The following CNTN3 variants were observed in gnomAD, a reference collection of about 807,000 sequenced individuals.
CNTN3 encodes contactin 3, also known as contactin-3.
Under a neutral mutation model 119.1 loss-of-function variants are expected in CNTN3, and 60 were observed. The ratio of observed to expected loss-of-function variants is 0.50; its 90% CI spans 0.41 to 0.62. The LOEUF (loss-of-function observed/expected upper bound fraction) is 0.62, where lower values mean the gene tolerates loss of function less well. Ranked by LOEUF, CNTN3 falls within the 20% of genes least tolerant of loss-of-function variation. The pLI, the probability that CNTN3 is intolerant of heterozygous loss-of-function variation, is 0.00. For synonymous variants in CNTN3, 450 were observed against 438.7 expected (o/e 1.03, Z -0.32); for missense variants, 1,101 against 1,242.4 (o/e 0.89, Z 1.71).
chr3:74,438,801 A>G (rs1429381181), intron 4 of CNTN3, among the ~76,000 whole-genome samples: 1 of 152,218 alleles, frequency 6.6e-6, no homozygotes, highest in East Asian at 1.9e-4. Flanking sequence ...GACACGTGTG[A>G]TTTTTGCAAT....
intron 20 of CNTN3, among the ~76,000 whole-genome samples, chr3:74,281,587 A>G (rs1320395753): frequency 6.6e-6 from 1 of 152,100 alleles, no homozygotes. Flanking sequence ...AGCTCAAGCA[A>G]TCATCCCACC....
intron 1 of CNTN3, among the ~76,000 whole-genome samples, chr3:74,608,467 C>A (rs1705028874): frequency 6.6e-6 from 1 of 152,192 alleles, no homozygotes; most frequent in Non-Finnish European, 1.5e-5. Flanking sequence ...CTTCCCATTA[C>A]TTCCTTGCAC....
At chr3:74,612,605 G>A (rs191955262) in intron 1 of CNTN3, among the ~76,000 whole-genome samples, 25 of 152,178 alleles carry the variant, frequency 1.6e-4, no homozygotes, top group Non-Finnish European at 2.5e-4. Flanking sequence ...TCGGTGTCTC[G>A]GTTATCCTAC....
intron 5 of CNTN3, among the ~76,000 whole-genome samples, chr3:74,394,229 T>G (rs1330332979): frequency 6.6e-6 from 1 of 152,140 alleles, no homozygotes; most frequent in Non-Finnish European, 1.5e-5. Flanking sequence ...GGTAGTAAGT[T>G]AATAACTATA....
chr3:74,458,897 A>G (rs1192755154), intron 4 of CNTN3, among the ~76,000 whole-genome samples: 1 of 152,054 alleles, frequency 6.6e-6, no homozygotes, highest in East Asian at 1.9e-4. Context: ...GAGACTCAAC[A>G]GAAACATAGT....
chr3:74,549,145 G>A (rs895629411), intron 1 of CNTN3, among the ~76,000 whole-genome samples: 3 of 152,128 alleles, frequency 2.0e-5, no homozygotes, highest in Non-Finnish European at 2.9e-5. Context: ...CATGGGGGTG[G>A]TTTCCAATGG....
chr3:74,322,503 C>T (rs184596972), intron 13 of CNTN3, among the ~76,000 whole-genome samples: 6 of 152,076 alleles, frequency 3.9e-5, no homozygotes, highest in African/African-American at 1.2e-4. Flanking sequence ...AAAATTCTGG[C>T]GAGGATGTAG....
At chr3:74,504,305 A>C (rs1251950251) in intron 2 of CNTN3, among the ~76,000 whole-genome samples, 1 of 152,178 alleles carries the variant, frequency 6.6e-6, no homozygotes, top group Non-Finnish European at 1.5e-5. Context: ...AGAGGACATA[A>C]ATTTAGAAAG....
Position 74,499,653 on chromosome 3 carries a change from C to G in CNTN3, c.182+6G>C, listed in dbSNP as rs765699716. Reference sequence around the variant, plus strand: ...TTTATTTGAATTTTCAAACTTTTCACTGTACCTGTAATGAGGTGATGGATT... The same window carrying G: ...TTTATTTGAATTTTCAAACTTTTCAGTGTACCTGTAATGAGGTGATGGATT... On this transcript the variant is annotated splice_donor_region_variant and intron_variant, in intron 3 of 22. Coordinates refer to ENST00000263665, the MANE Select transcript of CNTN3 (RefSeq NM_020872.3). 1 of 1,590,826 alleles carries G rather than the reference C, an allele frequency of 6.3e-7. No individual in the cohort carries two copies.
chr3:74,538,489 G>T lies in CNTN3; in HGVS notation c.-80-17297C>A, dbSNP rs913272153. Among the ~76,000 whole-genome samples, 8 of 152,034 alleles carry T rather than the reference G, an allele frequency of 5.3e-5. No homozygotes were observed. In the South Asian group the frequency reaches 8.3e-4, roughly 16 times the overall value. On this transcript the variant is annotated intron_variant, in intron 1 of 22. Coordinates refer to ENST00000263665, the MANE Select transcript of CNTN3 (RefSeq NM_020872.3). ...GATCTATTATTTTACTTAGCAAAACGGGTGCTTTGAGACATATTTTCAAGG... is the reference window on the plus strand; with the variant it reads ...GATCTATTATTTTACTTAGCAAAACTGGTGCTTTGAGACATATTTTCAAGG...
At chr3:74,330,320 C>T (rs1317733233) in intron 13 of CNTN3, among the ~76,000 whole-genome samples, 7 of 151,328 alleles carry the variant, frequency 4.6e-5, no homozygotes, top group Admixed American at 3.3e-4. Flanking sequence ...CGTGCCACTG[C>T]ACTCCAGCCT....
chr3:74,580,497 C>T (rs1359409549), intron 1 of CNTN3, among the ~76,000 whole-genome samples: 1 of 151,912 alleles, frequency 6.6e-6, no homozygotes, highest in African/African-American at 2.4e-5. Flanking sequence ...CTAAAAAATA[C>T]AAAATTCCTT....
intron 1 of CNTN3, among the ~76,000 whole-genome samples, chr3:74,583,658 C>G (rs1704550100): frequency 6.6e-6 from 1 of 152,126 alleles, no homozygotes; most frequent in Non-Finnish European, 1.5e-5. Context: ...CTGTGACTAG[C>G]TGGGTATAAT....
At chr3:74,451,178 G>C (rs1011077247) in intron 4 of CNTN3, among the ~76,000 whole-genome samples, 1 of 152,066 alleles carries the variant, frequency 6.6e-6, no homozygotes, top group African/African-American at 2.4e-5. Context: ...AGCACCTGTT[G>C]TTTCCTGACT....
chr3:74,471,134 T>A (rs954400702), intron 4 of CNTN3, among the ~76,000 whole-genome samples: 2 of 151,948 alleles, frequency 1.3e-5, no homozygotes, highest in African/African-American at 4.8e-5. Context: ...CTCAGCGGGA[T>A]CCCAAAGTGC....
chr3:74,598,670 A>T (rs891697171), intron 1 of CNTN3, among the ~76,000 whole-genome samples: 2 of 152,146 alleles, frequency 1.3e-5, no homozygotes, highest in Admixed American at 6.5e-5. Context: ...CTAATTCTAT[A>T]AAAAAATCAA....
intron 1 of CNTN3, among the ~76,000 whole-genome samples, chr3:74,613,649 G>A (rs948309125): frequency 4.6e-5 from 7 of 152,198 alleles, no homozygotes; most frequent in African/African-American, 1.4e-4. Context: ...CCCAGAAGCT[G>A]TTCGTTCATT....
At chr3:74,533,825 C>G (rs1244196218) in intron 1 of CNTN3, among the ~76,000 whole-genome samples, 7 of 151,998 alleles carry the variant, frequency 4.6e-5, no homozygotes, top group African/African-American at 1.7e-4. Flanking sequence ...CCTGGGCTCC[C>G]AGCAGACACT....
In CNTN3 at chr3:74,374,753, T is replaced by A. The variant is rs78321584; in HGVS notation, c.455-3354A>T. ...CAAATTGCTGTCCAGCCCTAAACCT[T>A]CATATAAAATTTGAAAACAAATGGA... On this transcript the variant is annotated intron_variant, in intron 5 of 22. Transcript: ENST00000263665. 5.5e-3 allele frequency among the ~76,000 whole-genome samples: 830 copies of A among 152,278 alleles called. 3 individuals are homozygous for A. The highest frequency in any genetic ancestry group is 9.6e-3 in the Non-Finnish European group (656 of 68,030).
Sources: allele counts gnomAD v4.1 joint callset (sites outside exome capture counted in the v4.1 genomes callset), GRCh38; gene constraint gnomAD v4.1.1; transcripts MANE v1.5; gene names NCBI Gene and HGNC (gene_info 2026-07-23, HGNC 2026-07-21).